The following HERC3 variants were observed in gnomAD, a reference collection of about 807,000 sequenced individuals.
HERC3 encodes probable E3 ubiquitin-protein ligase HERC3.
A neutral mutation model predicts 129.9 loss-of-function variants in HERC3; 58 were observed. The ratio of observed to expected loss-of-function variants is 0.45; its 90% CI spans 0.36 to 0.56. The LOEUF is 0.56. Among genes scored for constraint, HERC3 ranks in the 20% least tolerant of loss-of-function variants. The pLI is 0.00. For synonymous variants in HERC3, 430 were observed against 451.0 expected (o/e 0.95, Z 0.59); for missense variants, 835 against 1,244.2 (o/e 0.67, Z 4.95).
chr4:88,636,505 A>G (rs1442343230), intron 3 of HERC3, among the ~76,000 whole-genome samples: 2 of 152,242 alleles, frequency 1.3e-5, no homozygotes, highest in Non-Finnish European at 2.9e-5. Flanking sequence ...ACAAGTTCTT[A>G]GAGACCTACA....
intron 10 of HERC3, among the ~76,000 whole-genome samples, chr4:88,662,074 G>A (rs1291760999): frequency 6.6e-6 from 1 of 152,100 alleles, no homozygotes; most frequent in Non-Finnish European, 1.5e-5. Flanking sequence ...CAGAGGGAGG[G>A]GTTGAAATGC....
At chr4:88,525,323 GGGCAGTAGCA>G in the HERC3 span, among the ~76,000 whole-genome samples, 1 of 152,194 alleles carries the variant, frequency 6.6e-6, no homozygotes, top group Admixed American at 6.5e-5. Context: ...TTTCCGACTA[GGGCAGTAGCA>G]GGAATTAATT....
rs1735851114 is a variant in HERC3 at position 88,707,114 on chromosome 4, A to G, written c.*154A>G. On this transcript the variant is annotated 3_prime_UTR_variant, in exon 26 of 26. Transcript: ENST00000402738. ...CTGGTTGATGTGTTTCTGGGATTGTATAGCAGTAAACAACCTTTTTGAAAA... is the reference window on the plus strand; with the variant it reads ...CTGGTTGATGTGTTTCTGGGATTGTGTAGCAGTAAACAACCTTTTTGAAAA... 1 of 661,538 alleles carries G rather than the reference A, an allele frequency of 1.5e-6. No individual in the cohort carries two copies. Among genetic ancestry groups the G allele is most frequent in the Non-Finnish European group, 2.6e-6 (1 of 385,080 alleles). 41.0% of individuals were successfully genotyped at this position (661,538 alleles called of 1,614,324 possible).
the HERC3 span, among the ~76,000 whole-genome samples, chr4:88,577,617 A>ATACATATATATGTATATATATATACAT: frequency 3.3e-5 from 5 of 149,796 alleles, no homozygotes; most frequent in African/African-American, 1.3e-4. Context: ...ATATATATAT[A>ATACATATATATGTATATATATATACAT]ATAGGTTTGT....
chr4:88,594,954 T>C (rs557726750), intron 1 of HERC3, among the ~76,000 whole-genome samples: 1 of 151,706 alleles, frequency 6.6e-6, no homozygotes, highest in East Asian at 1.9e-4. Context: ...ATAGAAAAAT[T>C]AGCTGGGCGT....
intron 12 of HERC3, 97 bp downstream of exon 12, chr4:88,664,309 T>G: frequency 9.9e-7 from 1 of 1,011,374 alleles, no homozygotes; most frequent in Admixed American, 1.9e-5. Flanking sequence ...TTTAGGAGTT[T>G]GGGGCTTTAG....
intron 23 of HERC3, among the ~76,000 whole-genome samples, chr4:88,702,268 A>G (rs1231232948): frequency 2.0e-5 from 3 of 152,222 alleles, no homozygotes; most frequent in African/African-American, 7.2e-5. Flanking sequence ...CCTTGGTTTA[A>G]GCACTCTTAC....
chr4:88,581,106 ACACATGAAAACTC>A, the HERC3 span, among the ~76,000 whole-genome samples: 1 of 152,042 alleles, frequency 6.6e-6, no homozygotes, highest in Admixed American at 6.6e-5. Flanking sequence ...AGAAAGGTTA[ACACATGAAAACTC>A]CCCATTCTTT....
the HERC3 span, among the ~76,000 whole-genome samples, chr4:88,551,834 C>T: frequency 2.6e-5 from 4 of 152,090 alleles, no homozygotes; most frequent in Admixed American, 6.5e-5. Flanking sequence ...TACATGCACA[C>T]GTATGTTTAT....
chr4:88,565,367 A>T, the HERC3 span, among the ~76,000 whole-genome samples: 13 of 152,062 alleles, frequency 8.5e-5, no homozygotes, highest in African/African-American at 2.9e-4. Context: ...ATTGGGGTCT[A>T]TCTCTCTCTT....
the HERC3 span, among the ~76,000 whole-genome samples, chr4:88,558,254 T>C: frequency 1.5e-4 from 23 of 152,082 alleles, no homozygotes; most frequent in Non-Finnish European, 2.6e-4. Flanking sequence ...CCAACCTAAG[T>C]GCCCCTCGAC....
chr4:88,591,119 C>T (rs139536156), upstream of HERC3, among the ~76,000 whole-genome samples: 1,345 of 152,210 alleles, frequency 8.8e-3, 18 homozygotes, highest in African/African-American at 0.03. Context: ...TCTCGAACTG[C>T]TGACCTCAAG....
At chr4:88,527,748 C>T in the HERC3 span, 1 of 308,798 alleles carries the variant, frequency 3.2e-6, no homozygotes, top group Non-Finnish European at 6.4e-6. Context: ...AAAACAGGTG[C>T]CTGCTTATGT....
At chr4:88,653,958 A>G (rs1729567535) in intron 6 of HERC3, 84 bp from the exon 7 acceptor site, 1 of 991,348 alleles carries the variant, frequency 1.0e-6, no homozygotes, top group South Asian at 1.4e-5. Context: ...GAATCCAGGA[A>G]TCCAAAATTC....
rs781113389 is a variant in HERC3 at position 88,704,235 on chromosome 4, C to T, written c.2795C>T (p.Ala932Val). The change falls in exon 24 of 26, where the codon GCT (alanine) becomes GTT (valine). Residue 932 changes from alanine to valine, a missense_variant. Coordinates refer to ENST00000402738, the MANE Select transcript of HERC3 (RefSeq NM_014606.3). ...LELFQPSELR[A>V]MMVGNSNYNW... ...CTCTTCCAGCCTTCAGAACTGAGGG[C>T]TATGATGGTGGGGAACAGCAACTAC... is the stretch of plus-strand genomic sequence containing the variant. 6.2e-7 allele frequency: 1 copy of T among 1,614,082 alleles called. No individual in the cohort carries two copies. Among genetic ancestry groups the T allele is most frequent in the East Asian group, 2.2e-5 (1 of 44,864 alleles).
intron 16 of HERC3, among the ~76,000 whole-genome samples, chr4:88,674,122 G>A (rs1159824473): frequency 6.6e-6 from 1 of 152,140 alleles, no homozygotes; most frequent in African/African-American, 2.4e-5. Context: ...TCCAAATCTG[G>A]GTTCCTTCAC....
the HERC3 span, among the ~76,000 whole-genome samples, chr4:88,545,430 C>CTTTTTTTTTTT: frequency 9.1e-6 from 1 of 110,432 alleles, no homozygotes; most frequent in African/African-American, 3.7e-5. Context: ...TTTGAGAATT[C>CTTTTTTTTTTT]TTTTTTTTTT....
chr4:88,654,619 A>G (rs531425571), intron 7 of HERC3, among the ~76,000 whole-genome samples: 138 of 151,014 alleles, frequency 9.1e-4, no homozygotes, highest in African/African-American at 3.2e-3. Flanking sequence ...TTAAATATGT[A>G]AAAAAGAAAC....
At chr4:88,701,216 A>T (rs542847308) in intron 23 of HERC3, among the ~76,000 whole-genome samples, 3 of 152,338 alleles carry the variant, frequency 2.0e-5, no homozygotes, top group South Asian at 4.1e-4. Context: ...AATGATTAAC[A>T]TGCACAATAA....
Sources: gnomAD v4.1 joint callset for allele counts (sites outside exome capture counted in the v4.1 genomes callset) on GRCh38, gnomAD v4.1.1 for gene constraint, MANE v1.5 for transcripts, NCBI Gene and HGNC (gene_info 2026-07-23, HGNC 2026-07-21) for gene names.